FAF1: variants seen among roughly 807,000 people sequenced by gnomAD.
FAF1 encodes Fas associated factor 1.
In FAF1, 25 loss-of-function variants were observed where a neutral mutation model predicts 92.5. The observed-to-expected ratio is 0.27, with a 90% CI of 0.20 to 0.38. The LOEUF is 0.38. Ranked by LOEUF, FAF1 falls within the 10% of genes least tolerant of loss-of-function variation. The pLI, the probability that FAF1 is intolerant of heterozygous loss-of-function variation, is 1.00. For missense variants in FAF1, 636 were observed against 793.3 expected (o/e 0.80, Z 2.38); for synonymous variants, 234 against 273.2 (o/e 0.86, Z 1.42).
At chr1:50,737,081 T>C (rs1050470112) in intron 6 of FAF1, among the ~76,000 whole-genome samples, 1 of 152,240 alleles carries the variant, frequency 6.6e-6, no homozygotes, top group Non-Finnish European at 1.5e-5. Context: ...CTATGTTTTT[T>C]GTTCACCTTT....
intron 13 of FAF1, among the ~76,000 whole-genome samples, chr1:50,544,799 C>G (rs12124830): frequency 2.0e-3 from 310 of 152,122 alleles, no homozygotes; most frequent in Non-Finnish European, 3.2e-3. Context: ...CAATGAAACG[C>G]TGACATTTGA....
intron 4 of FAF1, among the ~76,000 whole-genome samples, chr1:50,767,767 G>A (rs185232278): frequency 3.3e-5 from 5 of 152,210 alleles, no homozygotes; most frequent in South Asian, 2.1e-4. Context: ...TTGTCACCAC[G>A]AGACCTGCCT....
chr1:50,647,971 G>T (rs961604708), intron 8 of FAF1, among the ~76,000 whole-genome samples: 2 of 152,172 alleles, frequency 1.3e-5, no homozygotes, highest in South Asian at 4.1e-4. Context: ...TCAAAGAAAA[G>T]GTCTTGGCTG....
In FAF1 at chr1:50,440,953, C is replaced by T. The variant is rs1442714210; in HGVS notation, c.*487G>A. 1 of 152,660 alleles carries T rather than the reference C, an allele frequency of 6.6e-6. No individual in the cohort carries two copies. Among genetic ancestry groups the T allele is most frequent in the African/African-American group, 2.4e-5 (1 of 41,482 alleles). 9.5% of individuals were successfully genotyped at this position (152,660 alleles called of 1,614,324 possible). The stretch of plus-strand genomic sequence containing the variant: ...ATACTTTTTTCCTACAATGTTTAAT[C>T]TCCATGCCGACAATGTCTCATTTGA... On this transcript the variant is annotated 3_prime_UTR_variant, in exon 19 of 19. Transcript: ENST00000396153.
At chr1:50,833,880 C>CA (rs1404611542) in intron 2 of FAF1, among the ~76,000 whole-genome samples, 1 of 152,198 alleles carries the variant, frequency 6.6e-6, no homozygotes, top group East Asian at 1.9e-4. Context: ...TCTCCTTTTC[C>CA]AAATATTGAT....
intron 15 of FAF1, among the ~76,000 whole-genome samples, chr1:50,512,985 G>T (rs2149024704): frequency 6.6e-6 from 1 of 152,300 alleles, no homozygotes; most frequent in South Asian, 2.1e-4. Context: ...AGAAAGTGGG[G>T]ACAGATAGAG....
At chr1:50,827,183 A>T (rs1644107769) in intron 2 of FAF1, among the ~76,000 whole-genome samples, 1 of 152,172 alleles carries the variant, frequency 6.6e-6, no homozygotes, top group Non-Finnish European at 1.5e-5. Flanking sequence ...TTTTGTCAAA[A>T]AGAAAAGGGG....
At chr1:50,461,881 GA>G (rs11449784) in intron 18 of FAF1, among the ~76,000 whole-genome samples, 38 of 112,440 alleles carry the variant, frequency 3.4e-4, no homozygotes, top group African/African-American at 6.6e-4. Flanking sequence ...CCAAAACACT[GA>G]AAAAAAAAAA....
chr1:50,585,657 CT>C (rs1420998390), intron 9 of FAF1, among the ~76,000 whole-genome samples: 1 of 151,992 alleles, frequency 6.6e-6, no homozygotes, highest in Non-Finnish European at 1.5e-5. Flanking sequence ...CTTGTCTGTC[CT>C]ATGTTCAATA....
chr1:50,486,300 G>A (rs571248063), intron 17 of FAF1, among the ~76,000 whole-genome samples: 6 of 152,152 alleles, frequency 3.9e-5, no homozygotes, highest in South Asian at 4.1e-4. Context: ...CCCAAGATTC[G>A]CCAAAATTCA....
chr1:50,924,280 T>A, intron 1 of FAF1, among the ~76,000 whole-genome samples: 1 of 5,064 alleles, frequency 2.0e-4, no homozygotes, highest in Non-Finnish European at 3.9e-4. Flanking sequence ...AAGGAACAAT[T>A]TGAAAAAAAA....
chr1:50,839,733 A>G (rs1313462648), intron 2 of FAF1, among the ~76,000 whole-genome samples: 2 of 152,264 alleles, frequency 1.3e-5, no homozygotes, highest in Non-Finnish European at 2.9e-5. Context: ...AGAAAGAAAA[A>G]TATCTGGACA....
chr1:50,892,349 C>T (rs1017891541), intron 1 of FAF1, among the ~76,000 whole-genome samples: 6 of 152,210 alleles, frequency 3.9e-5, no homozygotes, highest in South Asian at 2.1e-4. Flanking sequence ...ACGCTTGGTG[C>T]GCTGCACCCA....
intron 1 of FAF1, among the ~76,000 whole-genome samples, chr1:50,877,740 G>A (rs945987464): frequency 1.3e-5 from 2 of 152,040 alleles, no homozygotes; most frequent in Non-Finnish European, 2.9e-5. Context: ...ATTCTAATTA[G>A]TGTTTTCTCC....
In FAF1 at chr1:50,705,800, T is replaced by A. The variant is rs1156926356; in HGVS notation, c.643A>T (p.Ser215Cys). The change falls in exon 7 of 19, where the codon AGT (serine) becomes TGT (cysteine). Residue 215 changes from serine to cysteine, a missense_variant. This residue lies in a region of FAF1 where 317 missense variants were observed against 342.4 expected (regional missense o/e 0.93). Transcript: ENST00000396153. The part of the protein sequence containing the change: ...REYNLNFSGS[S>C]TIQEVKRNVY... ...ACATAACTCACCTCTTGAATAGTAC[T>A]GCTTCCTGAGAAGTTCAGGTTGTAC... The A allele has an allele frequency of 6.3e-7, 1 of 1,596,786 alleles. No homozygotes were observed. The highest frequency in any genetic ancestry group is 8.6e-7 in the Non-Finnish European group (1 of 1,164,548).
At chr1:50,478,407 T>A (rs1038754437) in intron 17 of FAF1, among the ~76,000 whole-genome samples, 1 of 152,038 alleles carries the variant, frequency 6.6e-6, no homozygotes, top group Non-Finnish European at 1.5e-5. Context: ...AAGTGATCCA[T>A]CCACCTAGGT....
intron 1 of FAF1, among the ~76,000 whole-genome samples, chr1:50,876,812 G>T (rs900834196): frequency 1.3e-5 from 2 of 152,130 alleles, no homozygotes; most frequent in Non-Finnish European, 2.9e-5. Context: ...TTGAACTCCT[G>T]ACCTCAGGTG....
At chr1:50,625,777 C>A (rs1357121301) in intron 8 of FAF1, among the ~76,000 whole-genome samples, 1 of 151,994 alleles carries the variant, frequency 6.6e-6, no homozygotes, top group Admixed American at 6.6e-5. Context: ...AAATATGTTC[C>A]ATTAAGGAGT....
chr1:50,762,675 T>A (rs1409483119), intron 4 of FAF1, among the ~76,000 whole-genome samples: 7 of 152,150 alleles, frequency 4.6e-5, no homozygotes, highest in Non-Finnish European at 1.0e-4. Context: ...TTACACCTTA[T>A]ACAAAAATTA....
Sources: gnomAD v4.1 joint callset for allele counts (sites outside exome capture counted in the v4.1 genomes callset) on GRCh38, gnomAD v4.1.1 for gene constraint, gnomAD v4.1.1 regional missense constraint, MANE v1.5 for transcripts, NCBI Gene and HGNC (gene_info 2026-07-23, HGNC 2026-07-21) for gene names.